Variants in TRIM2 observed in about 807,000 individuals in gnomAD.
TRIM2 encodes tripartite motif-containing protein 2.
A neutral mutation model predicts 75.2 loss-of-function variants in TRIM2; 20 were observed. The observed-to-expected ratio is 0.27, with a 90% CI of 0.19 to 0.39. TRIM2 has a LOEUF of 0.39. Among genes scored for constraint, TRIM2 ranks in the 10% least tolerant of loss-of-function variants. The probability of loss-of-function intolerance (pLI) is 1.00; values close to 1 mark genes in which losing one functional copy is unlikely to be tolerated. For synonymous variants in TRIM2, 373 were observed against 388.3 expected, an observed-to-expected ratio of 0.96 and a Z score of 0.46; for missense variants, 660 against 990.8, an observed-to-expected ratio of 0.67 and a Z score of 4.48.
intron 8 of TRIM2, among the ~76,000 whole-genome samples, chr4:153,318,428 C>T (rs1418590120): frequency 3.3e-5 from 5 of 152,234 alleles, no homozygotes; most frequent in Non-Finnish European, 5.9e-5. Context: ...GCATGCAATT[C>T]TTCAATCACC....
intron 3 of TRIM2, among the ~76,000 whole-genome samples, chr4:153,282,900 C>T (rs1759679623): frequency 6.6e-6 from 1 of 151,888 alleles, no homozygotes; most frequent in Non-Finnish European, 1.5e-5. Context: ...GTGATCCTCC[C>T]ACTTCAGCCT....
chr4:153,330,527 C>T (rs1370363124), intron 11 of TRIM2, among the ~76,000 whole-genome samples: 1 of 152,162 alleles, frequency 6.6e-6, no homozygotes, highest in Non-Finnish European at 1.5e-5. Flanking sequence ...CTGAGCTACT[C>T]TGGCTTGGGA....
At chr4:153,318,984 G>C (rs2149541329) in intron 8 of TRIM2, among the ~76,000 whole-genome samples, 1 of 152,294 alleles carries the variant, frequency 6.6e-6, no homozygotes, top group Non-Finnish European at 1.5e-5. Flanking sequence ...AGGGTAAAAG[G>C]ATAGCATGTA....
chr4:153,328,659 A>G lies in TRIM2; in HGVS notation c.2152A>G (p.Ser718Gly). The change falls in exon 11 of 12, where the codon AGC becomes GGC. Residue 718 changes from serine (S) to glycine (G), a missense_variant. Physicochemically the swap from Ser to Gly is moderately conservative, Grantham distance 56. Around this residue, in one of 2 missense-constraint regions of TRIM2, gnomAD observed 40 missense variants for 99.8 expected, o/e 0.40. Coordinates refer to ENST00000338700, the MANE Select transcript of TRIM2 (RefSeq NM_015271.5). ...GNIIVADWGNSRIQVFDGSGS... is the reference protein window; with the variant it reads ...GNIIVADWGNGRIQVFDGSGS... The stretch of plus-strand genomic sequence containing the variant: ...CATCATTGTGGCCGACTGGGGAAAC[A>G]GCAGGATCCAGGTAGATCAATGTGC... 6.2e-7 allele frequency: 1 copy of G among 1,612,378 alleles called. No homozygotes were observed. The highest frequency in any genetic ancestry group is 8.5e-7 in the Non-Finnish European group (1 of 1,179,368).
chr4:153,316,729 A>G (rs563567386), intron 8 of TRIM2, among the ~76,000 whole-genome samples: 1 of 152,318 alleles, frequency 6.6e-6, no homozygotes, highest in South Asian at 2.1e-4. Flanking sequence ...GCCAAAGAGT[A>G]GAGAGCCCTC....
At chr4:153,278,270 C>A (rs1025805276) in intron 3 of TRIM2, among the ~76,000 whole-genome samples, 2 of 152,068 alleles carry the variant, frequency 1.3e-5, no homozygotes, top group African/African-American at 4.8e-5. Context: ...CATGCCACCA[C>A]GCCCAGCTAA....
chr4:153,315,207 A>G (rs1767331540), intron 6 of TRIM2, among the ~76,000 whole-genome samples: 1 of 152,200 alleles, frequency 6.6e-6, no homozygotes, highest in Non-Finnish European at 1.5e-5. Flanking sequence ...TCTTTGTGGG[A>G]TCTAAGAATA....
intron 2 of TRIM2, 136 bp from the exon 3 acceptor site, chr4:153,275,754 ATAT>A: frequency 1.3e-6 from 1 of 762,864 alleles, no homozygotes. Context: ...GGTTTCTGAA[ATAT>A]TATTTTCCTA....
At chr4:153,211,110 G>A (rs1009867076) in intron 1 of TRIM2, among the ~76,000 whole-genome samples, 2 of 152,152 alleles carry the variant, frequency 1.3e-5, no homozygotes, top group African/African-American at 4.8e-5. Flanking sequence ...CACAAGCCAT[G>A]CTCACTAGGA....
intron 1 of TRIM2, among the ~76,000 whole-genome samples, chr4:153,183,490 C>T (rs963868030): frequency 2.6e-5 from 4 of 152,110 alleles, no homozygotes; most frequent in Admixed American, 2.0e-4. Flanking sequence ...GGAACCTGAG[C>T]GACACCCAAG....
intron 6 of TRIM2, among the ~76,000 whole-genome samples, chr4:153,305,651 C>A (rs1764811976): frequency 6.6e-6 from 1 of 152,164 alleles, no homozygotes; most frequent in African/African-American, 2.4e-5. Flanking sequence ...GCAAAAGAGA[C>A]CACAAGAACA....
intron 1 of TRIM2, among the ~76,000 whole-genome samples, chr4:153,261,941 C>T (rs1173733529): frequency 6.6e-6 from 1 of 152,170 alleles, no homozygotes; most frequent in African/African-American, 2.4e-5. Context: ...CCAGGAAAAA[C>T]ACCAGAGATG....
At chr4:153,267,480 A>G (rs4696182) in intron 1 of TRIM2, among the ~76,000 whole-genome samples, 81,063 of 150,722 alleles carry the variant, frequency 0.54, 23,230 homozygotes, top group African/African-American at 0.75. Context: ...GTGAAACCCC[A>G]TCTCTACTAA....
At chr4:153,282,600 A>C (rs984033843) in intron 3 of TRIM2, among the ~76,000 whole-genome samples, 2 of 152,046 alleles carry the variant, frequency 1.3e-5, no homozygotes, top group African/African-American at 2.4e-5. Context: ...ATATTTCAAC[A>C]ATTTTATTTG....
intron 1 of TRIM2, among the ~76,000 whole-genome samples, chr4:153,252,380 C>T (rs1331315542): frequency 1.3e-5 from 2 of 152,200 alleles, no homozygotes; most frequent in Admixed American, 1.3e-4. Flanking sequence ...TCTAGTTCAC[C>T]TCTATTACAT....
intron 6 of TRIM2, among the ~76,000 whole-genome samples, chr4:153,312,392 C>T (rs540560084): frequency 1.6e-4 from 25 of 152,024 alleles, no homozygotes; most frequent in African/African-American, 9.7e-5. Flanking sequence ...AAAAAGTGGG[C>T]GAAGGACATG....
At chr4:153,196,300 A>C (rs892116860) in intron 1 of TRIM2, among the ~76,000 whole-genome samples, 3 of 150,608 alleles carry the variant, frequency 2.0e-5, no homozygotes, top group Admixed American at 1.3e-4. Context: ...AACTGGGTGC[A>C]GTGGTGCATG....
chr4:153,161,640 C>T (rs1298872893), intron 1 of TRIM2, among the ~76,000 whole-genome samples: 3 of 152,210 alleles, frequency 2.0e-5, no homozygotes, highest in Non-Finnish European at 4.4e-5. Flanking sequence ...GCTCAAAGAA[C>T]TCTCACAGAC....
intron 1 of TRIM2, among the ~76,000 whole-genome samples, chr4:153,206,533 C>T (rs909699989): frequency 9.2e-5 from 14 of 152,094 alleles, no homozygotes; most frequent in South Asian, 4.2e-4. Flanking sequence ...CCTCTCCGGG[C>T]GCCACTCTCC....
Sources: gnomAD v4.1 joint callset for allele counts (sites outside exome capture counted in the v4.1 genomes callset) on GRCh38, gnomAD v4.1.1 for gene constraint, gnomAD v4.1.1 regional missense constraint, MANE v1.5 for transcripts, NCBI Gene and HGNC (gene_info 2026-07-23, HGNC 2026-07-21) for gene names.